The following CEP63 variants were observed in gnomAD, a reference collection of about 807,000 sequenced individuals.
CEP63 encodes centrosomal protein of 63 kDa.
In CEP63, 84 loss-of-function variants were observed where a neutral mutation model predicts 89.1. The ratio of observed to expected loss-of-function variants is 0.94; its 90% CI spans 0.79 to 1.13. The LOEUF is 1.13. Among genes scored for constraint, CEP63 ranks in the 50% most tolerant of loss-of-function variants. The pLI, the probability that CEP63 is intolerant of heterozygous loss-of-function variation, is 0.00. For missense variants in CEP63, 838 were observed against 813.3 expected (o/e 1.03, Z -0.37); for synonymous variants, 267 against 272.5 (o/e 0.98, Z 0.20).
chr3:134,667,403 AG>A, the CEP63 span, among the ~76,000 whole-genome samples: 1 of 152,232 alleles, frequency 6.6e-6, no homozygotes, highest in East Asian at 1.9e-4. Context: ...AGGCAAATTC[AG>A]GGGGTGCATT....
chr3:134,773,404 G>C, the CEP63 span, among the ~76,000 whole-genome samples: 3 of 152,150 alleles, frequency 2.0e-5, no homozygotes, highest in African/African-American at 4.8e-5. Flanking sequence ...TATCCACTTA[G>C]CACAGGCAAA....
chr3:134,537,301 C>A, intron 6 of CEP63, 33 bp downstream of exon 6: 1 of 1,398,518 alleles, frequency 7.2e-7, no homozygotes, highest in Non-Finnish European at 1.0e-6. Context: ...TAATGAGAAG[C>A]AGATAGGTTT....
downstream of CEP63, among the ~76,000 whole-genome samples, chr3:134,589,509 A>G (rs567326445): frequency 3.3e-5 from 5 of 152,278 alleles, no homozygotes; most frequent in Admixed American, 1.3e-4. Context: ...TCAGGAAAAG[A>G]AATAAAAGGT....
At chr3:134,726,483 C>CAA in the CEP63 span, among the ~76,000 whole-genome samples, 659 of 75,668 alleles carry the variant, frequency 8.7e-3, 1 homozygote, top group Middle Eastern at 0.022. Flanking sequence ...CACACACACA[C>CAA]ACACACACAC....
chr3:134,560,139 A>T (rs1275868790), intron 14 of CEP63, among the ~76,000 whole-genome samples: 1 of 152,094 alleles, frequency 6.6e-6, no homozygotes, highest in Non-Finnish European at 1.5e-5. Flanking sequence ...TAGCAGCAAA[A>T]TTTTTTTGGC....
At chr3:134,758,553 T>C in the CEP63 span, among the ~76,000 whole-genome samples, 1 of 152,188 alleles carries the variant, frequency 6.6e-6, no homozygotes, top group Non-Finnish European at 1.5e-5. Flanking sequence ...GAAACCTAAG[T>C]AAGGCCTAAG....
At chr3:134,772,912 G>T in the CEP63 span, among the ~76,000 whole-genome samples, 1 of 152,176 alleles carries the variant, frequency 6.6e-6, no homozygotes. Context: ...AGGGAATTTG[G>T]CTTCTGGTAG....
chr3:134,776,429 G>A, the CEP63 span, among the ~76,000 whole-genome samples: 1 of 151,974 alleles, frequency 6.6e-6, no homozygotes, highest in Non-Finnish European at 1.5e-5. Flanking sequence ...TAAGTCCTTG[G>A]GATCTGGTGT....
At chr3:134,740,208 G>A in the CEP63 span, among the ~76,000 whole-genome samples, 4 of 152,034 alleles carry the variant, frequency 2.6e-5, no homozygotes, top group African/African-American at 4.8e-5. Context: ...TGCTCTTCTC[G>A]CTCCTCTTCA....
At chr3:134,780,153 A>G in the CEP63 span, among the ~76,000 whole-genome samples, 1 of 152,228 alleles carries the variant, frequency 6.6e-6, no homozygotes, top group Non-Finnish European at 1.5e-5. Flanking sequence ...TTTCATTATC[A>G]AATGAGGTTG....
intron 2 of CEP63, among the ~76,000 whole-genome samples, chr3:134,506,310 A>T (rs1422534981): frequency 6.6e-6 from 1 of 152,234 alleles, no homozygotes; most frequent in African/African-American, 2.4e-5. Flanking sequence ...AGTTGAAATA[A>T]ATCTGGCTGA....
At position 134,532,858 on chromosome 3, in the gene CEP63, G is replaced by A. The variant is rs1380335963; in HGVS notation, c.399G>A (p.Arg133=). The change falls in exon 5 of 15, where the codon AGG becomes AGA. Residue 133 remains arginine, a synonymous_variant. Transcript: ENST00000675561. ...REFRGNTKNH[R]EDRSEIERLT... ...TCAGAGGAAATACCAAAAATCACAG[G>A]GAAGATCGGTCTGAAATTGAGAGGT... The A allele has an allele frequency of 9.3e-6, 15 of 1,613,748 alleles. No individual in the cohort carries two copies. The highest frequency in any genetic ancestry group is 1.3e-5 in the Non-Finnish European group (15 of 1,179,800).
At chr3:134,775,631 G>T in the CEP63 span, among the ~76,000 whole-genome samples, 2 of 152,116 alleles carry the variant, frequency 1.3e-5, no homozygotes, top group Non-Finnish European at 2.9e-5. Context: ...TACTAAACTT[G>T]CACCCTAATC....
At chr3:134,608,066 G>A in the CEP63 span, 2 of 1,088,554 alleles carry the variant, frequency 1.8e-6, no homozygotes, top group Non-Finnish European at 2.2e-6. Context: ...TCTCTGTCTT[G>A]GGTGGGACTG....
chr3:134,659,403 A>G, the CEP63 span, among the ~76,000 whole-genome samples: 1 of 152,134 alleles, frequency 6.6e-6, no homozygotes, highest in Non-Finnish European at 1.5e-5. Context: ...TTCCATTTCC[A>G]TGAACTCACA....
the CEP63 span, among the ~76,000 whole-genome samples, chr3:134,665,970 AG>A: frequency 6.6e-6 from 1 of 152,118 alleles, no homozygotes; most frequent in Non-Finnish European, 1.5e-5. Flanking sequence ...AGACAAAGAA[AG>A]ACAGAGAGAA....
chr3:134,536,442 T>A (rs1175144990), intron 5 of CEP63: 1 of 153,102 alleles, frequency 6.5e-6, no homozygotes, highest in Non-Finnish European at 1.5e-5. Flanking sequence ...GAGTTTCCTT[T>A]CCCTTTGATT....
chr3:134,485,972 A>G (rs907070533), upstream of CEP63: 59 of 963,776 alleles, frequency 6.1e-5, no homozygotes, highest in Admixed American at 8.3e-4. Flanking sequence ...CCACCGCGGC[A>G]GACGCTTGCT....
chr3:134,697,098 C>T, the CEP63 span, among the ~76,000 whole-genome samples: 2 of 152,178 alleles, frequency 1.3e-5, no homozygotes, highest in Non-Finnish European at 2.9e-5. Flanking sequence ...ATACCAACTC[C>T]CTTGAGGAAT....
Sources: allele counts gnomAD v4.1 joint callset (sites outside exome capture counted in the v4.1 genomes callset), GRCh38; gene constraint gnomAD v4.1.1; transcripts MANE v1.5; gene names NCBI Gene and HGNC (gene_info 2026-07-23, HGNC 2026-07-21).